Variants in TRRAP observed in about 807,000 individuals in gnomAD.
TRRAP encodes the protein transformation/transcription domain-associated protein.
A neutral mutation model predicts 438.8 loss-of-function variants in TRRAP; 41 were observed. That is an observed-to-expected ratio of 0.09 (90% CI 0.07 to 0.12). The LOEUF (loss-of-function observed/expected upper bound fraction) is 0.12, where lower values mean the gene tolerates loss of function less well. Ranked by LOEUF, TRRAP falls within the 10% of genes least tolerant of loss-of-function variation. The pLI, the probability that TRRAP is intolerant of heterozygous loss-of-function variation, is 1.00. For missense variants in TRRAP, 3,122 were observed against 5,055.1 expected (o/e 0.62, Z 11.60); for synonymous variants, 1,994 against 1,962.9 (o/e 1.02, Z -0.42).
chr7:99,002,841 C>A lies in TRRAP; in HGVS notation c.10310-1349C>A, dbSNP rs542380475. Among the ~76,000 whole-genome samples, 185 of 152,316 alleles carry A rather than the reference C, an allele frequency of 1.2e-3. 1 individual carries two copies. Among genetic ancestry groups the A allele is most frequent in the African/African-American group, 3.9e-3 (163 of 41,562 alleles). On this transcript the variant is annotated intron_variant, in intron 67 of 72. Transcript: ENST00000456197. ...ACTCGTATAGCTGGGTGTTATCACG[C>A]GTGGGCAGGGATGGTCAGGCCACTT...
intron 30 of TRRAP, among the ~76,000 whole-genome samples, chr7:98,941,083 A>G (rs550220072): frequency 6.6e-6 from 1 of 152,270 alleles, no homozygotes; most frequent in African/African-American, 2.4e-5. Context: ...GGCATTAGAT[A>G]ATGGTCCAAC....
rs759871454 is a variant in TRRAP at position 98,976,114 on chromosome 7, G to A, written c.7840-35G>A. 1.6e-5 allele frequency: 25 copies of A among 1,610,934 alleles called. No individual in the cohort carries two copies. Among genetic ancestry groups the A allele is most frequent in the South Asian group, 1.2e-4 (11 of 90,984 alleles). On this transcript the variant is annotated intron_variant, in intron 53 of 72. Coordinates refer to ENST00000456197, the MANE Select transcript of TRRAP (RefSeq NM_001375524.1). This position sits in a 1 kb window ranked among gnomAD's most constrained non-coding sequence, Gnocchi z 4.6. The stretch of plus-strand genomic sequence containing the variant: ...TGGTTGTGCGAGGCACCCCCAGCCC[G>A]TGGCCATCTCAGCCTGTTGTCTTTC...
intron 56 of TRRAP, 54 bp downstream of exon 56, chr7:98,977,130 C>T (rs1792696774): frequency 6.2e-6 from 10 of 1,603,210 alleles, no homozygotes; most frequent in Middle Eastern, 1.7e-4. Flanking sequence ...TCATTTATAA[C>T]GGTTCTTTAA....
At chr7:98,909,665 G>A (rs1311373846) in intron 14 of TRRAP, among the ~76,000 whole-genome samples, 1 of 152,192 alleles carries the variant, frequency 6.6e-6, no homozygotes, top group East Asian at 1.9e-4. Context: ...TGGTGGCGGG[G>A]CCCTGTTGGG....
chr7:98,957,955 C>T (rs782238314), intron 43 of TRRAP, 26 bp from the exon 44 acceptor site: 1 of 1,602,978 alleles, frequency 6.2e-7, no homozygotes, highest in Non-Finnish European at 8.5e-7. Context: ...GATTCTCTTC[C>T]TGCCTGAAAG....
intron 8 of TRRAP, 56 bp from the exon 9 acceptor site, chr7:98,899,366 G>A (rs1051763244): frequency 6.8e-7 from 1 of 1,476,052 alleles, no homozygotes; most frequent in Non-Finnish European, 9.5e-7. Flanking sequence ...GCACTGGTGG[G>A]GGCTATTTTA....
chr7:98,880,604 A>G (rs1554402902), intron 1 of TRRAP, among the ~76,000 whole-genome samples: 1 of 152,048 alleles, frequency 6.6e-6, no homozygotes, highest in African/African-American at 2.4e-5. Flanking sequence ...GAATGGTTTT[A>G]TATTTTTAAA....
chr7:98,905,167 C>G (rs1302443967), intron 12 of TRRAP, among the ~76,000 whole-genome samples: 1 of 152,120 alleles, frequency 6.6e-6, no homozygotes, highest in Non-Finnish European at 1.5e-5. Context: ...CCCTCTGTGC[C>G]TCCTTCATCT....
At chr7:98,979,696 T>C (rs546152729) in intron 58 of TRRAP, among the ~76,000 whole-genome samples, 14 of 152,356 alleles carry the variant, frequency 9.2e-5, no homozygotes, top group African/African-American at 2.6e-4. Flanking sequence ...GCTGGATATA[T>C]GCAGCGTCAC....
At chr7:98,911,915 A>G (rs1789295355) in intron 17 of TRRAP, 107 bp from the exon 18 acceptor site, 6 of 969,040 alleles carry the variant, frequency 6.2e-6, no homozygotes, top group Non-Finnish European at 7.7e-6. Flanking sequence ...ATTTCTTGGA[A>G]TGTGTGATAC....
At chr7:99,002,461 T>C (rs1793973266) in intron 67 of TRRAP, among the ~76,000 whole-genome samples, 1 of 152,196 alleles carries the variant, frequency 6.6e-6, no homozygotes, top group Admixed American at 6.5e-5. Context: ...TGTGAATCTC[T>C]AGGAATTTCA....
intron 22 of TRRAP, among the ~76,000 whole-genome samples, chr7:98,925,984 G>A (rs1156810982): frequency 1.3e-5 from 2 of 152,176 alleles, no homozygotes; most frequent in Non-Finnish European, 2.9e-5. Context: ...GAACTAGGTT[G>A]TAACTATGCT....
Position 98,990,452 on chromosome 7 carries a change from C to T in TRRAP, c.9592-3C>T, listed in dbSNP as rs201296500. ...TACTCTAGAATTTCTCCTTCTGTCT[C>T]AGGTGCTGTGGCTTTTGAGTTTTGA... On this transcript the variant is annotated splice_polypyrimidine_tract_variant and splice_region_variant and intron_variant, in intron 63 of 72. Coordinates refer to ENST00000456197, the MANE Select transcript of TRRAP (RefSeq NM_001375524.1). The T allele has an allele frequency of 2.1e-4, 346 of 1,612,236 alleles. 1 individual carries two copies. The highest frequency in any genetic ancestry group is 1.8e-3 in the Middle Eastern group (11 of 6,024).
chr7:98,879,204 C>T (rs1795307887), intron 1 of TRRAP, among the ~76,000 whole-genome samples: 1 of 152,126 alleles, frequency 6.6e-6, no homozygotes, highest in East Asian at 1.9e-4. Flanking sequence ...CCAGCCCGGC[C>T]TGGGCCTTCG....
intron 46 of TRRAP, among the ~76,000 whole-genome samples, 172 bp downstream of exon 46, chr7:98,961,646 G>T (rs1018274370): frequency 6.6e-6 from 1 of 152,246 alleles, no homozygotes; most frequent in African/African-American, 2.4e-5. Flanking sequence ...TGGGCCGGGT[G>T]TGGTGGCTCA....
In TRRAP at chr7:98,910,357, A is replaced by G; in HGVS notation, c.1652A>G (p.Lys551Arg). The change falls in exon 15 of 73, where the codon AAA becomes AGA. Residue 551 changes from lysine (K) to arginine (R), a missense_variant. Coordinates refer to ENST00000456197, the MANE Select transcript of TRRAP (RefSeq NM_001375524.1). ...FQVTDCRSLV[K>R]TLVCGVKTIT... Reference sequence around the variant, plus strand: ...GTCACAGACTGTCGAAGTTTGGTCAAAACCTTGGTGTGTGGTGTCAAGACA... The same window carrying G: ...GTCACAGACTGTCGAAGTTTGGTCAGAACCTTGGTGTGTGGTGTCAAGACA... 1 of 1,610,568 alleles carries G rather than the reference A, an allele frequency of 6.2e-7. No homozygotes were observed. The highest frequency in any genetic ancestry group is 8.5e-7 in the Non-Finnish European group (1 of 1,179,388).
chr7:98,981,842 C>G lies in TRRAP; in HGVS notation c.8708C>G (p.Pro2903Arg). Residue 2903 changes from proline (P) to arginine (R), a missense_variant, in exon 59 of 73, where the codon CCC (proline) becomes CGC (arginine). Pro to Arg is a moderately radical substitution (Grantham distance 103). Transcript: ENST00000456197. Reference sequence around the variant, plus strand: ...CGCGGATACCTGGCCATCTGCCACCCCGAGGAGCAGCAGCTCAGCTTCATC... The same window carrying G: ...CGCGGATACCTGGCCATCTGCCACCGCGAGGAGCAGCAGCTCAGCTTCATC... ...MYRGYLAICH[P>R]EEQQLSFIER... is the part of the protein sequence containing the mutation. 1 of 1,606,646 alleles carries G rather than the reference C, an allele frequency of 6.2e-7. No individual in the cohort carries two copies. The highest frequency in any genetic ancestry group is 8.5e-7 in the Non-Finnish European group (1 of 1,177,232).
intron 53 of TRRAP, among the ~76,000 whole-genome samples, chr7:98,972,680 TGAG>T (rs1489196734): frequency 6.6e-6 from 1 of 152,220 alleles, no homozygotes; most frequent in Non-Finnish European, 1.5e-5. Flanking sequence ...TTGCTTTTGA[TGAG>T]GAGGTATTTT....
At chr7:98,888,313 G>C (rs1310056859) in intron 3 of TRRAP, among the ~76,000 whole-genome samples, 1 of 151,786 alleles carries the variant, frequency 6.6e-6, no homozygotes, top group Non-Finnish European at 1.5e-5. Flanking sequence ...AAAGCAGGTG[G>C]ATCACCTGAG....
Sources: gnomAD v4.1 joint callset for allele counts (sites outside exome capture counted in the v4.1 genomes callset) on GRCh38, gnomAD v4.1.1 for gene constraint, Gnocchi (gnomAD v3.1) non-coding constraint, MANE v1.5 for transcripts, NCBI Gene and HGNC (gene_info 2026-07-23, HGNC 2026-07-21) for gene names.